Variants in AGO4 observed in about 807,000 individuals in gnomAD.
AGO4 encodes argonaute RISC component 4, also known as protein argonaute-4.
Under a neutral mutation model 104.7 loss-of-function variants are expected in AGO4, and 33 were observed. That is an observed-to-expected ratio of 0.32 (90% CI 0.24 to 0.42). The LOEUF is 0.42. Ranked by LOEUF, AGO4 falls within the 10% of genes least tolerant of loss-of-function variation. The probability of loss-of-function intolerance (pLI) is 1.00; values close to 1 mark genes in which losing one functional copy is unlikely to be tolerated. For synonymous variants in AGO4, 331 were observed against 364.7 expected (o/e 0.91, Z 1.05); for missense variants, 711 against 1,083.4 (o/e 0.66, Z 4.83).
rs2148695324 is a variant in AGO4 at position 35,855,857 on chromosome 1, G to A, written c.*2252G>A. The stretch of plus-strand genomic sequence containing the variant: ...AGAAGGAGGACTTGCTGGAATCCAA[G>A]ATGTGAAGAACTCTTGGTGACTGGC... On this transcript the variant is annotated 3_prime_UTR_variant, in exon 18 of 18. Coordinates refer to ENST00000373210, the MANE Select transcript of AGO4 (RefSeq NM_017629.4). 6.6e-6 allele frequency: 1 copy of A among 152,362 alleles called. No individual in the cohort carries two copies. The highest frequency in any genetic ancestry group is 1.9e-4 in the East Asian group (1 of 5,192). The allele number at this position is 152,362 out of a possible 1,614,324, so 9.4% of individuals were successfully genotyped here. A position where few individuals can be genotyped will look rare whatever the true frequency, so the allele number is the denominator to read the frequency against.
chr1:35,845,290 C>T (rs1644545584), intron 15 of AGO4, among the ~76,000 whole-genome samples: 1 of 144,742 alleles, frequency 6.9e-6, no homozygotes, highest in Non-Finnish European at 1.5e-5. Context: ...TTGCTGCAAT[C>T]TCTGCCTCCC....
chr1:35,852,835 T>C (rs565350964), intron 17 of AGO4, among the ~76,000 whole-genome samples: 1 of 152,278 alleles, frequency 6.6e-6, no homozygotes. Context: ...AAAAATGACA[T>C]TTGACTGAAG....
chr1:35,832,786 G>T (rs1644215899), intron 11 of AGO4, among the ~76,000 whole-genome samples: 1 of 152,154 alleles, frequency 6.6e-6, no homozygotes, highest in Non-Finnish European at 1.5e-5. Flanking sequence ...GCAGAAATTT[G>T]TGAGTAACAA....
chr1:35,851,173 A>G, intron 17 of AGO4, 120 bp downstream of exon 17: 1 of 1,024,546 alleles, frequency 9.8e-7, no homozygotes, highest in Non-Finnish European at 1.4e-6. Flanking sequence ...GTAAGAAGCA[A>G]ATAAAATTGC....
intron 13 of AGO4, among the ~76,000 whole-genome samples, chr1:35,837,385 GT>G (rs796856623): frequency 3.8e-4 from 54 of 141,148 alleles, no homozygotes; most frequent in Admixed American, 6.4e-4. Context: ...CGCCTGGCCT[GT>G]TTTTTTTTTT....
At chr1:35,818,658 A>AAAGAAAGAAAAGGAAGGAAGGAAGGAAGG in intron 2 of AGO4, among the ~76,000 whole-genome samples, 1 of 61,578 alleles carries the variant, frequency 1.6e-5, no homozygotes, top group East Asian at 2.7e-4. Flanking sequence ...AGAAAGAAAG[A>AAAGAAAGAAAAGGAAGGAAGGAAGGAAGG]AAGGAAGAAA....
chr1:35,831,961 T>C lies in AGO4; in HGVS notation c.1116+30T>C, dbSNP rs1244950093. 3 of 1,610,818 alleles carry C rather than the reference T, an allele frequency of 1.9e-6. No individual in the cohort carries two copies. In the Admixed American group the frequency reaches 5.1e-5, roughly 27 times the overall value. The stretch of plus-strand genomic sequence containing the variant: ...GTAAGGCATGGTCTTCAAGATGAGC[T>C]AGCTTTGAGATGACAAAAAACAAAA... On this transcript the variant is annotated intron_variant, in intron 9 of 17. Transcript: ENST00000373210.
In AGO4 at chr1:35,841,848, T is replaced by A. The variant is rs562531999; in HGVS notation, c.2175+98T>A. ...TATATATATATATATACACCATTTT[T>A]ATACAATTTTTTTCTTAAAAGCAGA... is the stretch of plus-strand genomic sequence containing the variant. On this transcript the variant is annotated intron_variant, in intron 15 of 17. Coordinates refer to ENST00000373210, the MANE Select transcript of AGO4 (RefSeq NM_017629.4). This position sits in a 1 kb window ranked among gnomAD's most constrained non-coding sequence, Gnocchi z 4.7. 54 of 863,198 alleles carry A rather than the reference T, an allele frequency of 6.3e-5. 1 individual carries two copies. The South Asian group carries it at 9.9e-4, about 16-fold the overall frequency. 53.5% of individuals were successfully genotyped at this position (863,198 alleles called of 1,614,324 possible).
Position 35,856,669 on chromosome 1 carries a change from A to G in AGO4, c.*3064A>G, listed in dbSNP as rs1018633880. On this transcript the variant is annotated 3_prime_UTR_variant, in exon 18 of 18. Transcript: ENST00000373210. ...AACATGGTGAAACCCCATCTCTACT[A>G]AAAATACAGAAAATTAGCTGGGTCT... is the stretch of plus-strand genomic sequence containing the variant. The G allele has an allele frequency of 5.3e-5, 8 of 152,198 alleles. No homozygotes were observed. The highest frequency in any genetic ancestry group is 1.9e-4 in the African/African-American group (8 of 41,432). The allele number at this position is 152,198 out of a possible 1,614,324, so 9.4% of individuals were successfully genotyped here.
chr1:35,841,453 A>G lies in AGO4; in HGVS notation c.2013A>G (p.Gly671=). The change falls in exon 14 of 18, where the codon GGA becomes GGG. Residue 671 remains glycine (G), a synonymous_variant. Transcript: ENST00000373210. The surrounding 1 kb of genome is among the most constrained non-coding windows in gnomAD (Gnocchi z 4.7). ...CCACTCGGATCATCTATTACCGTGG[A>G]GGGGTATCTGAGGGACAAATGAAAC... ...FKPTRIIYYR[G]GVSEGQMKQV... 2 of 1,613,418 alleles carry G rather than the reference A, an allele frequency of 1.2e-6. No individual in the cohort carries two copies. The highest frequency in any genetic ancestry group is 1.7e-6 in the Non-Finnish European group (2 of 1,179,380).
At chr1:35,811,470 C>CA (rs113891635) in intron 1 of AGO4, among the ~76,000 whole-genome samples, 7,337 of 135,702 alleles carry the variant, frequency 0.054, 464 homozygotes, top group African/African-American at 0.16. Flanking sequence ...CAAAAAAAAA[C>CA]AAAAAAAAAA....
chr1:35,831,413 A>C lies in AGO4; in HGVS notation c.849-14A>C. 2 of 1,570,934 alleles carry C rather than the reference A, an allele frequency of 1.3e-6. No individual in the cohort carries two copies. The highest frequency in any genetic ancestry group is 1.7e-6 in the Non-Finnish European group (2 of 1,165,018). On this transcript the variant is annotated splice_polypyrimidine_tract_variant and intron_variant, in intron 7 of 17. Transcript: ENST00000373210. ...CTTGAAGAAATATTCTAAAAAAGAC[A>C]TTCTCTCCTATAGTTTTCCTTTGCA...
At position 35,823,945 on chromosome 1, in the gene AGO4, A is replaced by C. The variant is rs557919528; in HGVS notation, c.306+963A>C. 8.1e-4 allele frequency among the ~76,000 whole-genome samples: 124 copies of C among 152,164 alleles called. 1 individual carries two copies. Among genetic ancestry groups the C allele is most frequent in the African/African-American group, 2.9e-3 (122 of 41,536 alleles). On this transcript the variant is annotated intron_variant, in intron 3 of 17. Coordinates refer to ENST00000373210, the MANE Select transcript of AGO4 (RefSeq NM_017629.4). ...TGTCCATATTCTCTTGTCTTAGTTA[A>C]CTGATAATTGAAAATGAGATGAGCA...
chr1:35,820,711 G>A (rs912120771), intron 2 of AGO4, among the ~76,000 whole-genome samples: 3 of 151,954 alleles, frequency 2.0e-5, no homozygotes, highest in Non-Finnish European at 4.4e-5. Context: ...ATATTTGTAT[G>A]CTGAAGGGAA....
intron 2 of AGO4, among the ~76,000 whole-genome samples, chr1:35,819,442 C>A (rs182441936): frequency 1.3e-5 from 2 of 149,732 alleles, no homozygotes; most frequent in African/African-American, 5.1e-5. Flanking sequence ...TTAAAAAAAA[C>A]AAAAGGCCGC....
At chr1:35,851,265 G>A (rs1371010736) in intron 17 of AGO4, 1 of 579,340 alleles carries the variant, frequency 1.7e-6, no homozygotes, top group Non-Finnish European at 3.0e-6. Flanking sequence ...GTCTCTAAAG[G>A]AGTTTAATTT....
rs781729877 is a variant in AGO4, at chr1:35,826,077, A to ATGTAGTCT, written c.760+20_760+27dup. On this transcript the variant is annotated intron_variant, in intron 6 of 17. Transcript: ENST00000373210. ...AAATCAGAGGTAAGTGTTTGCATTA[A>ATGTAGTCT]TGTAGTCTTGGAGAAGCAGCTCAGC... is the stretch of plus-strand genomic sequence containing the variant. 2 of 1,613,168 alleles carry ATGTAGTCT rather than the reference A, an allele frequency of 1.2e-6. No homozygotes were observed. The highest frequency in any genetic ancestry group is 3.3e-5 in the Admixed American group (2 of 59,986).
rs113472537 is a variant in AGO4 at position 35,824,368 on chromosome 1, A to G, written c.307-945A>G. Among the ~76,000 whole-genome samples the G allele has an allele frequency of 3.3e-3, 497 of 152,116 alleles. 2 individuals are homozygous for G. The highest frequency in any genetic ancestry group is 0.011 in the African/African-American group (475 of 41,500). On this transcript the variant is annotated intron_variant, in intron 3 of 17. Coordinates refer to ENST00000373210, the MANE Select transcript of AGO4 (RefSeq NM_017629.4). ...TTGATGTGTATTCTTATTGTTTTGC[A>G]TGTCACTCTATGATTTGCTTTTCAT... is the stretch of plus-strand genomic sequence containing the variant.
At chr1:35,811,809 A>G (rs968974179) in intron 1 of AGO4, among the ~76,000 whole-genome samples, 6 of 152,238 alleles carry the variant, frequency 3.9e-5, no homozygotes, top group African/African-American at 1.2e-4. Flanking sequence ...CATCTTGGCC[A>G]GGCTGGTCTT....
Sources: allele counts gnomAD v4.1 joint callset (sites outside exome capture counted in the v4.1 genomes callset), GRCh38; gene constraint gnomAD v4.1.1; non-coding constraint Gnocchi (gnomAD v3.1); transcripts MANE v1.5; gene names NCBI Gene and HGNC (gene_info 2026-07-23, HGNC 2026-07-21).